The following UMAD1 variants were observed in gnomAD, a reference collection of about 807,000 sequenced individuals.
The protein encoded by UMAD1 is UBAP1-MVB12-associated (UMA) domain containing 1.
A neutral mutation model predicts 6.1 loss-of-function variants in UMAD1; 8 were observed. The observed-to-expected ratio is 1.30, with a 90% CI of 0.76 to 2.35. The LOEUF (loss-of-function observed/expected upper bound fraction) is 2.35, where lower values mean the gene tolerates loss of function less well. UMAD1 is among the 30% of genes most tolerant of loss of function. UMAD1 has a pLI of 0.00. For missense variants in UMAD1, 130 were observed against 78.4 expected (o/e 1.66, Z -2.49); for synonymous variants, 56 against 31.4 (o/e 1.78, Z -2.61).
intron 3 of UMAD1, among the ~76,000 whole-genome samples, chr7:7,848,369 G>A (rs1368302263): frequency 6.6e-6 from 1 of 152,070 alleles, no homozygotes; most frequent in East Asian, 1.9e-4. Context: ...ATTGGTAATT[G>A]GGCTGAAGTT....
At position 7,869,009 on chromosome 7, in the gene UMAD1, A is replaced by G. The variant is rs575158346; in HGVS notation, c.157-8272A>G. On this transcript the variant is annotated intron_variant, in intron 3 of 3. Transcript: ENST00000682710. ...AGAGGAAACAATCTTTGCCGTTGCA[A>G]TATGATTTCTCCCAAGTGAAAGGAG... Among the ~76,000 whole-genome samples, 3 of 152,348 alleles carry G rather than the reference A, an allele frequency of 2.0e-5. No individual in the cohort carries two copies. In the South Asian group the frequency reaches 6.2e-4, roughly 32 times the overall value.
chr7:7,796,844 C>T (rs1782694603), intron 2 of UMAD1, among the ~76,000 whole-genome samples: 1 of 152,168 alleles, frequency 6.6e-6, no homozygotes, highest in African/African-American at 2.4e-5. Flanking sequence ...GGTCTCCACA[C>T]TTTGGCCCAC....
At chr7:7,715,676 T>G (rs1205569953) in intron 2 of UMAD1, among the ~76,000 whole-genome samples, 1 of 152,116 alleles carries the variant, frequency 6.6e-6, no homozygotes, top group Admixed American at 6.5e-5. Flanking sequence ...CAGAAAAAAA[T>G]GACCTAAAAG....
At chr7:7,822,860 T>A (rs988195655) in intron 3 of UMAD1, among the ~76,000 whole-genome samples, 2 of 152,092 alleles carry the variant, frequency 1.3e-5, no homozygotes, top group African/African-American at 2.4e-5. Flanking sequence ...CTGTCATTTA[T>A]AATGAAAATA....
intron 2 of UMAD1, among the ~76,000 whole-genome samples, chr7:7,689,902 G>A (rs1780134337): frequency 6.6e-6 from 1 of 152,170 alleles, no homozygotes; most frequent in South Asian, 2.1e-4. Flanking sequence ...AGTAATTGGT[G>A]ATCAGGAAAC....
intron 3 of UMAD1, among the ~76,000 whole-genome samples, chr7:7,842,250 C>T (rs1783695742): frequency 6.6e-6 from 1 of 152,218 alleles, no homozygotes; most frequent in Non-Finnish European, 1.5e-5. Context: ...ATAACTCTGC[C>T]TTCTGCGCAG....
intron 2 of UMAD1, among the ~76,000 whole-genome samples, chr7:7,765,929 A>G (rs1250705110): frequency 6.6e-6 from 1 of 152,140 alleles, no homozygotes; most frequent in Non-Finnish European, 1.5e-5. Flanking sequence ...TTAATTTCTT[A>G]GTCAACAAAG....
At chr7:7,765,977 C>T (rs564494946) in intron 2 of UMAD1, among the ~76,000 whole-genome samples, 9 of 152,108 alleles carry the variant, frequency 5.9e-5, no homozygotes, top group African/African-American at 1.7e-4. Flanking sequence ...GAACAGTTCT[C>T]CTCAGTTACA....
intron 2 of UMAD1, chr7:7,676,290 G>A (rs2115113002): frequency 2.5e-6 from 1 of 396,256 alleles, no homozygotes; most frequent in South Asian, 1.3e-4. Context: ...GTTATTGAGG[G>A]GAATAAATGA....
chr7:7,816,277 T>A (rs1783124889), intron 3 of UMAD1, among the ~76,000 whole-genome samples: 2 of 152,244 alleles, frequency 1.3e-5, no homozygotes, highest in African/African-American at 4.8e-5. Flanking sequence ...GTTGTTTTCC[T>A]GTCTCCACTA....
At chr7:7,854,394 T>C (rs1371251052) in intron 3 of UMAD1, among the ~76,000 whole-genome samples, 5 of 146,648 alleles carry the variant, frequency 3.4e-5, no homozygotes, top group African/African-American at 1.0e-4. Context: ...AGAGATTTAA[T>C]TGACTCACAG....
At chr7:7,795,734 A>G (rs773817868) in intron 2 of UMAD1, among the ~76,000 whole-genome samples, 1 of 152,162 alleles carries the variant, frequency 6.6e-6, no homozygotes, top group Non-Finnish European at 1.5e-5. Context: ...TGTTGTGTAA[A>G]CAGTCATGAC....
chr7:7,653,477 A>T (rs1329675147), intron 1 of UMAD1, among the ~76,000 whole-genome samples: 5 of 152,178 alleles, frequency 3.3e-5, no homozygotes, highest in African/African-American at 1.2e-4. Flanking sequence ...TTAGGAAAAA[A>T]ACTGTGGTTT....
intron 2 of UMAD1, among the ~76,000 whole-genome samples, chr7:7,772,769 C>T (rs982150308): frequency 6.6e-6 from 1 of 152,086 alleles, no homozygotes; most frequent in Admixed American, 6.6e-5. Flanking sequence ...GCTTTTTAAT[C>T]GAGAACTTTA....
chr7:7,748,551 T>A (rs1781618342), intron 2 of UMAD1, among the ~76,000 whole-genome samples: 1 of 152,032 alleles, frequency 6.6e-6, no homozygotes, highest in African/African-American at 2.4e-5. Flanking sequence ...GAAGGACTTA[T>A]TTTTGGCTTA....
chr7:7,770,844 T>G (rs1466913808), intron 2 of UMAD1, among the ~76,000 whole-genome samples: 2 of 152,090 alleles, frequency 1.3e-5, no homozygotes, highest in Non-Finnish European at 2.9e-5. Flanking sequence ...GGACATCTAG[T>G]TGGAGAAATC....
intron 2 of UMAD1, among the ~76,000 whole-genome samples, chr7:7,678,287 G>T (rs1779799211): frequency 6.6e-6 from 1 of 151,178 alleles, no homozygotes; most frequent in African/African-American, 2.4e-5. Context: ...TTTTAACTGG[G>T]TTGAGATGAT....
intron 2 of UMAD1, among the ~76,000 whole-genome samples, chr7:7,696,900 A>G (rs923599005): frequency 7.9e-5 from 12 of 151,954 alleles, no homozygotes; most frequent in Admixed American, 2.6e-4. Flanking sequence ...TAAGAATAAC[A>G]TAAGACTAGT....
intron 2 of UMAD1, among the ~76,000 whole-genome samples, chr7:7,792,775 C>T (rs1782593327): frequency 1.3e-5 from 2 of 152,178 alleles, no homozygotes; most frequent in South Asian, 4.1e-4. Context: ...TCTCGCAGTT[C>T]TGGAAGTTGA....
Sources: gnomAD v4.1 joint callset for allele counts (sites outside exome capture counted in the v4.1 genomes callset) on GRCh38, gnomAD v4.1.1 for gene constraint, MANE v1.5 for transcripts, NCBI Gene and HGNC (gene_info 2026-07-23, HGNC 2026-07-21) for gene names.